Variants in VAV3 observed in about 807,000 individuals in gnomAD.
VAV3 encodes the protein guanine nucleotide exchange factor VAV3.
Under a neutral mutation model 131.2 loss-of-function variants are expected in VAV3, and 94 were observed. That is an observed-to-expected ratio of 0.72 (90% CI 0.61 to 0.85). The LOEUF is 0.85. VAV3 is among the 40% of genes least tolerant of loss of function. The probability of loss-of-function intolerance (pLI) is 0.00; values close to 1 mark genes in which losing one functional copy is unlikely to be tolerated. For synonymous variants in VAV3, 349 were observed against 342.0 expected (o/e 1.02, Z -0.22); for missense variants, 939 against 1,002.7 (o/e 0.94, Z 0.86).
intron 2 of VAV3, among the ~76,000 whole-genome samples, chr1:107,837,947 C>G (rs1452156619): frequency 6.6e-6 from 1 of 152,036 alleles, no homozygotes; most frequent in Non-Finnish European, 1.5e-5. Context: ...AGAAGAAAAC[C>G]TAGGAAATAC....
In VAV3 at chr1:107,767,096, G is replaced by T. The variant is rs536772417; in HGVS notation, c.718-546C>A. Among the ~76,000 whole-genome samples, 4 of 152,230 alleles carry T rather than the reference G, an allele frequency of 2.6e-5. No individual in the cohort carries two copies. In the South Asian group the frequency reaches 8.3e-4, roughly 32 times the overall value. On this transcript the variant is annotated intron_variant, in intron 7 of 26. Transcript: ENST00000370056. ...CCTTGTGACACAAACATGTAAATTT[G>T]TACTTTGGTCAATTAGTGGTGTCCT...
chr1:107,920,848 T>C (rs1672862744), intron 1 of VAV3, among the ~76,000 whole-genome samples: 1 of 152,220 alleles, frequency 6.6e-6, no homozygotes, highest in Admixed American at 6.5e-5. Context: ...TATATATATC[T>C]CCTTTGTAGC....
chr1:107,768,462 A>G lies in VAV3; in HGVS notation c.696T>C (p.Asp232=). The change falls in exon 7 of 27, where the codon GAT becomes GAC. Residue 232 remains aspartate (D), a synonymous_variant. Transcript: ENST00000370056. ...LKRFLTAAEF[D]SVFINIPELV... ...TCACAGGAATGTTGATGAATACTGA[A>G]TCAAATTCTGCTGCTGTCAGAAATC... 6.2e-7 allele frequency: 1 copy of G among 1,612,524 alleles called. No individual in the cohort carries two copies. The highest frequency in any genetic ancestry group is 8.5e-7 in the Non-Finnish European group (1 of 1,179,286).
chr1:107,851,697 T>G (rs1330379516), intron 2 of VAV3, among the ~76,000 whole-genome samples: 1 of 152,170 alleles, frequency 6.6e-6, no homozygotes, highest in East Asian at 1.9e-4. Flanking sequence ...ATCAGGATGT[T>G]GCTGGAAATA....
chr1:107,586,886 T>C (rs1198200666), intron 25 of VAV3, among the ~76,000 whole-genome samples: 1 of 152,160 alleles, frequency 6.6e-6, no homozygotes, highest in Admixed American at 6.5e-5. Context: ...GTACATCAAA[T>C]TTCTAGATCA....
rs545154167 is a variant in VAV3, at chr1:107,823,637, T to C, written c.322-44145A>G. 5.9e-5 allele frequency among the ~76,000 whole-genome samples: 9 copies of C among 152,328 alleles called. No individual in the cohort carries two copies. In the South Asian group the frequency reaches 6.2e-4, roughly 11 times the overall value. Reference sequence around the variant, plus strand: ...GGAAAGTCACGAGACTGTCTGTTAATGGACCAAATGTTTGTATCTCCACAA... The same window carrying C: ...GGAAAGTCACGAGACTGTCTGTTAACGGACCAAATGTTTGTATCTCCACAA... On this transcript the variant is annotated intron_variant, in intron 2 of 26. Transcript: ENST00000370056.
At chr1:107,610,426 T>C (rs1652641458) in intron 21 of VAV3, among the ~76,000 whole-genome samples, 1 of 151,852 alleles carries the variant, frequency 6.6e-6, no homozygotes, top group Non-Finnish European at 1.5e-5. Flanking sequence ...TTTAATCTTA[T>C]CAAAGAAAAT....
intron 20 of VAV3, among the ~76,000 whole-genome samples, chr1:107,637,111 C>T (rs1290340897): frequency 1.3e-5 from 2 of 151,992 alleles, no homozygotes; most frequent in Non-Finnish European, 2.9e-5. Context: ...AAAAGAGATA[C>T]ATTACTGATA....
At chr1:107,603,675 T>TAAA (rs1652038862) in intron 22 of VAV3, among the ~76,000 whole-genome samples, 1 of 152,230 alleles carries the variant, frequency 6.6e-6, no homozygotes, top group South Asian at 2.1e-4. Context: ...TCTTAAGCAA[T>TAAA]TAGTAATAAT....
intron 6 of VAV3, among the ~76,000 whole-genome samples, chr1:107,769,146 C>A (rs900790898): frequency 1.3e-5 from 2 of 152,202 alleles, no homozygotes; most frequent in Non-Finnish European, 2.9e-5. Context: ...TTGGGTCAGC[C>A]AGTCCACTAA....
chr1:107,869,652 A>T (rs987340719), intron 2 of VAV3, among the ~76,000 whole-genome samples: 2 of 152,130 alleles, frequency 1.3e-5, no homozygotes, highest in Admixed American at 1.3e-4. Context: ...TTTGTTTTTC[A>T]ATTTTTTATT....
intron 10 of VAV3, among the ~76,000 whole-genome samples, chr1:107,760,220 T>C (rs1664335853): frequency 6.6e-6 from 1 of 152,178 alleles, no homozygotes; most frequent in Admixed American, 6.5e-5. Flanking sequence ...CTAATGAGTC[T>C]CCTGGTATAG....
At chr1:107,884,766 A>T (rs965593658) in intron 1 of VAV3, among the ~76,000 whole-genome samples, 1 of 152,002 alleles carries the variant, frequency 6.6e-6, no homozygotes, top group African/African-American at 2.4e-5. Flanking sequence ...AAATTAAACA[A>T]TTTTTTAAAA....
chr1:107,686,645 G>T (rs145944994), intron 18 of VAV3, among the ~76,000 whole-genome samples: 2 of 152,162 alleles, frequency 1.3e-5, no homozygotes, highest in East Asian at 3.9e-4. Flanking sequence ...ACAAAACAGA[G>T]ATTTTTAGTA....
At chr1:107,579,570 G>A (rs1310426286) in intron 25 of VAV3, among the ~76,000 whole-genome samples, 2 of 152,120 alleles carry the variant, frequency 1.3e-5, no homozygotes, top group Non-Finnish European at 2.9e-5. Flanking sequence ...GTAATTCTCA[G>A]CTGCACCATC....
intron 1 of VAV3, among the ~76,000 whole-genome samples, chr1:107,892,410 A>C (rs1235045714): frequency 6.6e-6 from 1 of 152,192 alleles, no homozygotes; most frequent in Non-Finnish European, 1.5e-5. Context: ...CCTTTTCCCA[A>C]GGAGTTCACA....
chr1:107,803,185 G>A (rs903560329), intron 2 of VAV3, among the ~76,000 whole-genome samples: 22 of 151,512 alleles, frequency 1.5e-4, no homozygotes, highest in African/African-American at 5.1e-4. Flanking sequence ...TTGTTATGTC[G>A]CCTTTCTTGT....
chr1:107,758,266 GT>G lies in VAV3; in HGVS notation c.1018-938del, dbSNP rs534556823. On this transcript the variant is annotated intron_variant, in intron 10 of 26. Transcript: ENST00000370056. ...CCACTAATTAGGTTCAGATCCTCAC[GT>G]TTTTCAAACAGATAATTATTTGCCA... Among the ~76,000 whole-genome samples the G allele has an allele frequency of 7.9e-5, 12 of 152,052 alleles. No homozygotes were observed. In the South Asian group the frequency reaches 2.3e-3, roughly 29 times the overall value.
intron 24 of VAV3, among the ~76,000 whole-genome samples, chr1:107,597,681 T>C (rs1340840725): frequency 6.6e-6 from 1 of 152,144 alleles, no homozygotes; most frequent in African/African-American, 2.4e-5. Flanking sequence ...ATAAAGGTGA[T>C]AAACAAAGAC....
Sources: gnomAD v4.1 joint callset for allele counts (sites outside exome capture counted in the v4.1 genomes callset) on GRCh38, gnomAD v4.1.1 for gene constraint, MANE v1.5 for transcripts, NCBI Gene and HGNC (gene_info 2026-07-23, HGNC 2026-07-21) for gene names.